Variants in SHPRH observed in about 807,000 individuals in gnomAD.
SHPRH encodes E3 ubiquitin-protein ligase SHPRH.
A neutral mutation model predicts 202.5 loss-of-function variants in SHPRH; 106 were observed. The observed-to-expected ratio is 0.52, with a 90% CI of 0.45 to 0.62. The LOEUF is 0.62. SHPRH is among the 20% of genes least tolerant of loss of function. The probability of loss-of-function intolerance (pLI) is 0.00; values close to 1 mark genes in which losing one functional copy is unlikely to be tolerated. For missense variants in SHPRH, 1,710 were observed against 2,020.0 expected, an observed-to-expected ratio of 0.85 and a Z score of 2.94; for synonymous variants, 729 against 686.0, an observed-to-expected ratio of 1.06 and a Z score of -0.98.
rs1788076344 is a variant in SHPRH, at chr6:145,952,472, T to C, written c.640A>G (p.Ile214Val). ...GCTAGGCCAGCTTCCAAAAGATAAA[T>C]TCCAACCTAAAAACAATTAATCAAA... ...PEGNHIIKVG[I>V]YLLEAGLAKL... The change falls in exon 3 of 30, where the codon ATT (isoleucine) becomes GTT (valine). Residue 214 changes from isoleucine (I) to valine (V), a missense_variant. Ile to Val is a conservative substitution (Grantham distance 29, BLOSUM62 3). Transcript: ENST00000275233. 2 of 1,604,122 alleles carry C rather than the reference T, an allele frequency of 1.2e-6. No homozygotes were observed. The highest frequency in any genetic ancestry group is 1.7e-6 in the Non-Finnish European group (2 of 1,175,960).
At chr6:145,941,120 C>T (rs1786724396) in intron 10 of SHPRH, among the ~76,000 whole-genome samples, 1 of 152,188 alleles carries the variant, frequency 6.6e-6, no homozygotes, top group African/African-American at 2.4e-5. Context: ...GATATACTAA[C>T]AGACATGATT....
chr6:145,870,706 G>C (rs1583257122), intron 2 of SHPRH, among the ~76,000 whole-genome samples: 1 of 152,318 alleles, frequency 6.6e-6, no homozygotes, highest in South Asian at 2.1e-4. Flanking sequence ...ACTGGTAAGA[G>C]GGAGTATCCT....
intron 14 of SHPRH, among the ~76,000 whole-genome samples, chr6:145,928,928 CTTT>C (rs772341354): frequency 9.2e-5 from 14 of 151,930 alleles, no homozygotes; most frequent in Admixed American, 2.6e-4. Context: ...AGTGAGTTCT[CTTT>C]TTTTAGTTAA....
intron 1 of SHPRH, among the ~76,000 whole-genome samples, chr6:145,956,626 A>C (rs142986484): frequency 0.011 from 1,625 of 152,240 alleles, 10 homozygotes; most frequent in Non-Finnish European, 0.016. Context: ...AAAAGCAAAA[A>C]CAAAAAATAT....
chr6:145,868,222 A>C (rs756677001), intron 2 of SHPRH, among the ~76,000 whole-genome samples: 1 of 152,206 alleles, frequency 6.6e-6, no homozygotes, highest in South Asian at 2.1e-4. Flanking sequence ...AGGGTCCACC[A>C]ATATGACCTC....
At chr6:145,939,268 T>A (rs1013255139) in intron 11 of SHPRH, among the ~76,000 whole-genome samples, 8 of 152,190 alleles carry the variant, frequency 5.3e-5, no homozygotes, top group African/African-American at 1.2e-4. Context: ...CTTTTGGAGC[T>A]GACTTGGAAC....
chr6:145,951,488 A>C (rs1787974639), intron 3 of SHPRH, among the ~76,000 whole-genome samples: 1 of 152,076 alleles, frequency 6.6e-6, no homozygotes, highest in Non-Finnish European at 1.5e-5. Context: ...ATATAATCTA[A>C]GATTAATAGC....
chr6:145,941,735 C>G lies in SHPRH; in HGVS notation c.2378G>C (p.Arg793Pro). The change falls in exon 10 of 30, where the codon CGT (arginine) becomes CCT (proline). Residue 793 changes from arginine (R) to proline (P), a missense_variant. Transcript: ENST00000275233. ...DIPHSNSEDG[R>P]RLRNQKRYMA... ...ATAGCGCTTCTGGTTCCGTAGGCGA[C>G]GCCCATCCTCACTATTGCTATGTGG... 1 of 1,613,992 alleles carries G rather than the reference C, an allele frequency of 6.2e-7. No homozygotes were observed. The highest frequency in any genetic ancestry group is 8.5e-7 in the Non-Finnish European group (1 of 1,179,952).
intron 28 of SHPRH, among the ~76,000 whole-genome samples, chr6:145,892,688 T>A (rs1451168129): frequency 6.6e-6 from 1 of 152,154 alleles, no homozygotes; most frequent in African/African-American, 2.4e-5. Flanking sequence ...TATAATAATA[T>A]TCATTATTAG....
chr6:145,963,610 C>T (rs932640950), intron 1 of SHPRH, 121 bp downstream of exon 1: 4 of 152,230 alleles, frequency 2.6e-5, no homozygotes, highest in African/African-American at 9.7e-5. Flanking sequence ...TAACGGAGAA[C>T]TTTGAGTGGG....
chr6:145,958,991 C>T (rs1027354396), intron 1 of SHPRH, among the ~76,000 whole-genome samples: 3 of 152,106 alleles, frequency 2.0e-5, no homozygotes, highest in Admixed American at 2.0e-4. Flanking sequence ...TGCCACTATG[C>T]CCAGCTAACT....
downstream of SHPRH, among the ~76,000 whole-genome samples, chr6:145,863,965 G>A (rs1048885598): frequency 3.3e-5 from 5 of 152,162 alleles, no homozygotes; most frequent in Admixed American, 1.3e-4. Context: ...CTTGTGATAT[G>A]TGCATATCTA....
At chr6:145,893,437 A>AT in intron 27 of SHPRH, 44 bp from the exon 28 acceptor site, 1 of 1,479,830 alleles carries the variant, frequency 6.8e-7, no homozygotes. Flanking sequence ...GATCAGTTAA[A>AT]ATAAGAGCAG....
chr6:145,925,393 G>C (rs560645587), intron 16 of SHPRH, among the ~76,000 whole-genome samples: 1 of 142,264 alleles, frequency 7.0e-6, no homozygotes, highest in Admixed American at 7.2e-5. Flanking sequence ...AAATAAAGAG[G>C]TAATTGATTT....
In SHPRH at chr6:145,866,875, C is replaced by G. The variant is rs371270627; in HGVS notation, c.222-2384G>C. Among the ~76,000 whole-genome samples, 7 of 152,274 alleles carry G rather than the reference C, an allele frequency of 4.6e-5. No individual in the cohort carries two copies. In the South Asian group the frequency reaches 1.4e-3, roughly 32 times the overall value. The stretch of plus-strand genomic sequence containing the variant: ...TCTAGTACACAATCACTTGTCACTT[C>G]TGGCCTTTGCCTGTGCTGATTGATG... On this transcript the variant is annotated intron_variant, in intron 2 of 2. Coordinates refer to the SHPRH transcript ENST00000417762.
downstream of SHPRH, among the ~76,000 whole-genome samples, chr6:145,863,302 C>A (rs568666191): frequency 6.6e-6 from 1 of 152,214 alleles, no homozygotes; most frequent in East Asian, 1.9e-4. Flanking sequence ...TTAAGCTAAT[C>A]AAGGACAAAA....
chr6:145,887,533 G>T (rs2243757), intron 29 of SHPRH, among the ~76,000 whole-genome samples: 56,028 of 132,004 alleles, frequency 0.42, 11,630 homozygotes, highest in South Asian at 0.54. Context: ...TAACAAGTTT[G>T]TTTTTTTTTT....
chr6:145,879,484 C>A (rs2128698271), intron 2 of SHPRH, among the ~76,000 whole-genome samples: 1 of 152,220 alleles, frequency 6.6e-6, no homozygotes, highest in South Asian at 2.1e-4. Flanking sequence ...TAAAAAAATT[C>A]TTTCCTTTTC....
At chr6:145,902,329 A>G (rs1238545125) in intron 25 of SHPRH, among the ~76,000 whole-genome samples, 1 of 152,134 alleles carries the variant, frequency 6.6e-6, no homozygotes, top group Non-Finnish European at 1.5e-5. Flanking sequence ...AACAGGTGCC[A>G]CTAACTTATT....
Sources: allele counts gnomAD v4.1 joint callset (sites outside exome capture counted in the v4.1 genomes callset), GRCh38; gene constraint gnomAD v4.1.1; transcripts MANE v1.5; gene names NCBI Gene and HGNC (gene_info 2026-07-23, HGNC 2026-07-21).